The following ARHGAP10 variants were observed in gnomAD, a reference collection of about 807,000 sequenced individuals.
The protein encoded by ARHGAP10 is Rho GTPase activating protein 10, also known as rho GTPase-activating protein 10.
ARHGAP10 carries 87 observed loss-of-function variants against 108.6 expected under a neutral mutation model. The observed-to-expected ratio is 0.80, with a 90% confidence interval of 0.67 to 0.96. The LOEUF (loss-of-function observed/expected upper bound fraction) is 0.96. ARHGAP10 is among the 40% of genes least tolerant of loss of function. The pLI, the probability that ARHGAP10 is intolerant of heterozygous loss-of-function variation, is 0.00. For missense variants in ARHGAP10, 939 were observed against 954.5 expected (o/e 0.98, Z 0.21); for synonymous variants, 347 against 341.1 (o/e 1.02, Z -0.19).
rs548242038 is a variant in ARHGAP10, at chr4:148,050,155, C to A, written c.2027+3104C>A. ...ATGCTGGGATTACAGGCGTGAGCTA[C>A]CGTGCCCTGCCATAACCTTGTTAAT... On this transcript the variant is annotated intron_variant, in intron 20 of 22. Coordinates refer to ENST00000336498, the MANE Select transcript of ARHGAP10 (RefSeq NM_024605.4). 6.6e-5 allele frequency among the ~76,000 whole-genome samples: 10 copies of A among 152,230 alleles called. No individual in the cohort carries two copies. The East Asian group carries it at 1.9e-3, about 29-fold the overall frequency.
chr4:147,903,951 A>G (rs893661542), intron 10 of ARHGAP10, among the ~76,000 whole-genome samples: 7 of 152,214 alleles, frequency 4.6e-5, no homozygotes, highest in Non-Finnish European at 8.8e-5. Flanking sequence ...TTGTGTAGAC[A>G]TAGTTTTCAG....
At chr4:147,948,703 T>C (rs1016146622) in intron 15 of ARHGAP10, among the ~76,000 whole-genome samples, 4 of 151,994 alleles carry the variant, frequency 2.6e-5, no homozygotes, top group Non-Finnish European at 5.9e-5. Flanking sequence ...ACGCCTGTAA[T>C]CTCAGCACTT....
chr4:147,865,877 A>G (rs781010762), intron 6 of ARHGAP10: 1 of 152,214 alleles, frequency 6.6e-6, no homozygotes, highest in Non-Finnish European at 1.5e-5. Flanking sequence ...TTTATTGGGC[A>G]TTTATAATGC....
Position 147,958,827 on chromosome 4 carries a change from C to G in ARHGAP10, c.1450+3453C>G, listed in dbSNP as rs116292728. On this transcript the variant is annotated intron_variant, in intron 16 of 22. Coordinates refer to ENST00000336498, the MANE Select transcript of ARHGAP10 (RefSeq NM_024605.4). Reference sequence around the variant, plus strand: ...TCTGCCTCTGTGTCTTCGATAAGCTCCATGATCACATCTTTTTCAGTTTCT... The same window carrying G: ...TCTGCCTCTGTGTCTTCGATAAGCTGCATGATCACATCTTTTTCAGTTTCT... Among the ~76,000 whole-genome samples the G allele has an allele frequency of 2.9e-3, 441 of 152,300 alleles. 2 individuals carry two copies. The highest frequency in any genetic ancestry group is 9.8e-3 in the African/African-American group (408 of 41,566).
chr4:147,828,208 A>G (rs1164474036), intron 3 of ARHGAP10, among the ~76,000 whole-genome samples: 1 of 152,258 alleles, frequency 6.6e-6, no homozygotes, highest in East Asian at 1.9e-4. Context: ...AGACTGAGTC[A>G]TTAAAATGTT....
chr4:148,067,629 T>C (rs376936590), intron 22 of ARHGAP10, among the ~76,000 whole-genome samples: 19 of 152,370 alleles, frequency 1.2e-4, no homozygotes, highest in East Asian at 9.6e-4. Context: ...CCAGCCTCCA[T>C]AGATGCTCTT....
chr4:147,948,003 C>T (rs1364118702), intron 15 of ARHGAP10, among the ~76,000 whole-genome samples: 2 of 148,568 alleles, frequency 1.3e-5, no homozygotes, highest in Non-Finnish European at 3.0e-5. Flanking sequence ...TGCGATGGCA[C>T]AATCTTGGCT....
intron 1 of ARHGAP10, among the ~76,000 whole-genome samples, chr4:147,737,299 C>T (rs1179097456): frequency 2.6e-5 from 4 of 151,410 alleles, no homozygotes; most frequent in East Asian, 1.9e-4. Context: ...TACGGGCACG[C>T]GCCACCATGC....
At position 147,798,722 on chromosome 4, in the gene ARHGAP10, ACACTCTCTCTCTCTCTCT is replaced by A. The variant is rs1192880331; in HGVS notation, c.155-24003_155-23986del. 7.6e-4 allele frequency among the ~76,000 whole-genome samples: 82 copies of A among 107,404 alleles called. 8 individuals are homozygous for A. Among genetic ancestry groups the A allele is most frequent in the African/African-American group, 4.1e-3 (77 of 18,746 alleles). 70.5% of individuals were successfully genotyped at this position (107,404 alleles called of 152,430 possible). Reference sequence around the variant, plus strand: ...CATTACGTGAGGTCAGGAGTTTGAGACACTCTCTCTCTCTCTCTCTCTCTCTCTCTCTCTCTCTCTCTC... The same window carrying A: ...CATTACGTGAGGTCAGGAGTTTGAGACTCTCTCTCTCTCTCTCTCTCTCTC... On this transcript the variant is annotated intron_variant, in intron 1 of 22. Coordinates refer to ENST00000336498, the MANE Select transcript of ARHGAP10 (RefSeq NM_024605.4).
intron 1 of ARHGAP10, among the ~76,000 whole-genome samples, chr4:147,809,561 C>A (rs1027315878): frequency 2.0e-5 from 3 of 152,150 alleles, no homozygotes; most frequent in African/African-American, 7.2e-5. Context: ...TGTCACCTGC[C>A]CAGAGTCACA....
At chr4:147,765,045 A>G (rs1255580887) in intron 1 of ARHGAP10, among the ~76,000 whole-genome samples, 3 of 152,178 alleles carry the variant, frequency 2.0e-5, no homozygotes, top group African/African-American at 7.2e-5. Flanking sequence ...CTCTGAAGTC[A>G]ACTCATAACC....
intron 3 of ARHGAP10, among the ~76,000 whole-genome samples, chr4:147,846,628 T>C (rs938261325): frequency 1.1e-4 from 17 of 152,204 alleles, no homozygotes; most frequent in Non-Finnish European, 2.5e-4. Context: ...AGCATTTGAC[T>C]TTTTCGTGAG....
At chr4:147,897,034 C>T (rs2126893922) in intron 10 of ARHGAP10, among the ~76,000 whole-genome samples, 1 of 151,938 alleles carries the variant, frequency 6.6e-6, no homozygotes, top group East Asian at 1.9e-4. Context: ...TATGAAATAT[C>T]TCTGTGCTAA....
intron 10 of ARHGAP10, among the ~76,000 whole-genome samples, chr4:147,882,752 G>A (rs994067587): frequency 1.3e-4 from 20 of 152,160 alleles, no homozygotes; most frequent in African/African-American, 4.8e-4. Flanking sequence ...ATCTTTGCCA[G>A]AGAGGAAGAA....
chr4:147,739,585 G>T (rs539531746), intron 1 of ARHGAP10, among the ~76,000 whole-genome samples: 18 of 152,134 alleles, frequency 1.2e-4, no homozygotes, highest in Admixed American at 8.5e-4. Flanking sequence ...AAAAGAAGAC[G>T]ACCAGAGACA....
intron 15 of ARHGAP10, among the ~76,000 whole-genome samples, chr4:147,952,180 C>T (rs986022341): frequency 2.6e-5 from 4 of 152,162 alleles, no homozygotes; most frequent in Non-Finnish European, 5.9e-5. Context: ...ATTTAACTTG[C>T]TTGTAACTTT....
chr4:147,875,287 G>A (rs913284261), intron 8 of ARHGAP10, 137 bp downstream of exon 8: 39 of 968,522 alleles, frequency 4.0e-5, no homozygotes, highest in Non-Finnish European at 5.1e-5. Context: ...TCACCTAATG[G>A]GTGTATATTT....
At chr4:148,010,743 T>A (rs1197338982) in intron 18 of ARHGAP10, among the ~76,000 whole-genome samples, 1 of 152,194 alleles carries the variant, frequency 6.6e-6, no homozygotes, top group Non-Finnish European at 1.5e-5. Context: ...TAACTGGGAA[T>A]TTGTTAGAAT....
intron 13 of ARHGAP10, 88 bp from the exon 14 acceptor site, chr4:147,939,733 TGTTA>T (rs1288721381): frequency 7.5e-6 from 8 of 1,069,030 alleles, no homozygotes; most frequent in East Asian, 7.1e-5. Flanking sequence ...ATGCTGCTAA[TGTTA>T]GTTAGCAAAG....
Sources: allele counts gnomAD v4.1 joint callset (sites outside exome capture counted in the v4.1 genomes callset), GRCh38; gene constraint gnomAD v4.1.1; transcripts MANE v1.5; gene names NCBI Gene and HGNC (gene_info 2026-07-23, HGNC 2026-07-21).